The following RALYL variants were observed in gnomAD, a reference collection of about 807,000 sequenced individuals.
The protein encoded by RALYL is RALY RNA binding protein like.
RALYL carries 29 observed loss-of-function variants against 35.1 expected under a neutral mutation model. The observed-to-expected ratio is 0.83, with a 90% confidence interval of 0.61 to 1.13. The LOEUF is 1.13. RALYL is among the 50% of genes most tolerant of loss of function. RALYL has a pLI of 0.00. For synonymous variants in RALYL, 120 were observed against 127.6 expected, an observed-to-expected ratio of 0.94 and a Z score of 0.40; for missense variants, 359 against 360.4, an observed-to-expected ratio of 1.00 and a Z score of 0.03.
At position 84,529,272 on chromosome 8, in the gene RALYL, TTTTGTTTG is replaced by T. The variant is rs747694999; in HGVS notation, c.-23-11_-23-4del. 9 of 1,544,398 alleles carry T rather than the reference TTTTGTTTG, an allele frequency of 5.8e-6. No homozygotes were observed. The highest frequency in any genetic ancestry group is 1.2e-5 in the South Asian group (1 of 83,810). On this transcript the variant is annotated intron_variant, in intron 1 of 8. Coordinates refer to ENST00000521268, the MANE Select transcript of RALYL (RefSeq NM_173848.7). ...TAATGATTTACCTTTTGATTATTTG[TTTTGTTTG>T]TTTGTTTGTTTGTTTAAGGATTAAA...
intron 6 of RALYL, among the ~76,000 whole-genome samples, chr8:84,869,013 T>TTATATA (rs139498971): frequency 2.6e-5 from 4 of 151,086 alleles, no homozygotes; most frequent in African/African-American, 9.7e-5. Flanking sequence ...TATAGGATAT[T>TTATATA]TATATATATA....
At chr8:84,862,884 A>C (rs981811562) in intron 6 of RALYL, among the ~76,000 whole-genome samples, 1 of 152,210 alleles carries the variant, frequency 6.6e-6, no homozygotes, top group Non-Finnish European at 1.5e-5. Context: ...AACTATAGAG[A>C]TGTTAAAAGC....
chr8:84,488,388 A>G lies in RALYL; in HGVS notation c.-23-40911A>G, dbSNP rs76456965. 2.8e-3 allele frequency among the ~76,000 whole-genome samples: 423 copies of G among 152,164 alleles called. 5 individuals carry two copies. Among genetic ancestry groups the G allele is most frequent in the African/African-American group, 9.9e-3 (413 of 41,568 alleles). ...CTTTCTTAGTCTAAAGAACACACAG[A>G]TGGATAGTTAGAGAGCCCAGGAAGT... On this transcript the variant is annotated intron_variant, in intron 1 of 8. Coordinates refer to ENST00000521268, the MANE Select transcript of RALYL (RefSeq NM_173848.7).
Position 84,539,854 on chromosome 8 carries a change from GTATATA to G in RALYL, c.256+10295_256+10300del, listed in dbSNP as rs1294869865. Among the ~76,000 whole-genome samples, 49 of 24,206 alleles carry G rather than the reference GTATATA, an allele frequency of 2.0e-3. 1 individual carries two copies. Among genetic ancestry groups the G allele is most frequent in the African/African-American group, 3.2e-3 (32 of 10,050 alleles). The allele number at this position is 24,206 out of a possible 152,430, so 15.9% of individuals were successfully genotyped here. A position where few individuals can be genotyped will look rare whatever the true frequency, so the allele number is the denominator to read the frequency against. On this transcript the variant is annotated intron_variant, in intron 2 of 8. Transcript: ENST00000521268. ...TATACATATATATATATATATATAT[GTATATA>G]TATATATATATATATATGTATATAT...
At chr8:84,469,447 G>A (rs1399253518) in intron 1 of RALYL, among the ~76,000 whole-genome samples, 1 of 152,194 alleles carries the variant, frequency 6.6e-6, no homozygotes, top group East Asian at 1.9e-4. Context: ...CTCCCAGTTA[G>A]GCTGCTCGGG....
intron 3 of RALYL, among the ~76,000 whole-genome samples, chr8:84,781,665 A>C (rs746523129): frequency 6.6e-6 from 1 of 152,208 alleles, no homozygotes; most frequent in South Asian, 2.1e-4. Context: ...CAATTTTAAA[A>C]GGAGAAAAGT....
intron 2 of RALYL, among the ~76,000 whole-genome samples, chr8:84,712,816 CACTT>C (rs57021165): frequency 0.2 from 29,924 of 151,876 alleles, 3,196 homozygotes; most frequent in Non-Finnish European, 0.23. Flanking sequence ...AACAACAAGA[CACTT>C]AGGAAAATAA....
intron 1 of RALYL, among the ~76,000 whole-genome samples, chr8:84,363,224 C>T (rs1041147018): frequency 1.5e-4 from 23 of 152,116 alleles, no homozygotes; most frequent in Non-Finnish European, 2.6e-4. Flanking sequence ...AAACTGGAAG[C>T]CATGTCTGTG....
intron 1 of RALYL, among the ~76,000 whole-genome samples, chr8:84,522,160 A>C (rs1021909720): frequency 1.2e-4 from 19 of 152,104 alleles, no homozygotes; most frequent in Non-Finnish European, 1.9e-4. Flanking sequence ...GTTTACTGTG[A>C]AATTTATCAT....
intron 1 of RALYL, among the ~76,000 whole-genome samples, chr8:84,228,845 A>G (rs1457487429): frequency 2.0e-5 from 3 of 152,182 alleles, no homozygotes; most frequent in South Asian, 4.1e-4. Flanking sequence ...TTGTAAAACC[A>G]TCAGATCTCC....
At chr8:84,288,606 G>A (rs1219162084) in intron 1 of RALYL, among the ~76,000 whole-genome samples, 2 of 145,940 alleles carry the variant, frequency 1.4e-5, no homozygotes, top group Admixed American at 8.0e-5. Context: ...CTATTAAATT[G>A]TATTGCCCAG....
At chr8:84,738,925 A>C (rs1346495961) in intron 2 of RALYL, among the ~76,000 whole-genome samples, 1 of 152,052 alleles carries the variant, frequency 6.6e-6, no homozygotes. Context: ...TTAAATATGT[A>C]TTCCTAAACC....
intron 2 of RALYL, among the ~76,000 whole-genome samples, chr8:84,648,586 T>C (rs4562316): frequency 0.091 from 13,842 of 151,914 alleles, 1,595 homozygotes; most frequent in African/African-American, 0.27. Flanking sequence ...AATCTAAAAC[T>C]TTAGAGTATA....
At chr8:84,751,837 C>G (rs1810114654) in intron 2 of RALYL, among the ~76,000 whole-genome samples, 1 of 152,030 alleles carries the variant, frequency 6.6e-6, no homozygotes, top group Non-Finnish European at 1.5e-5. Flanking sequence ...GCCTGTGGAA[C>G]CATGAGCCAA....
intron 2 of RALYL, among the ~76,000 whole-genome samples, chr8:84,619,483 G>T (rs913111681): frequency 6.8e-6 from 1 of 147,272 alleles, no homozygotes; most frequent in Non-Finnish European, 1.5e-5. Context: ...GAGCCTATGT[G>T]TGTCTCTGCA....
intron 2 of RALYL, among the ~76,000 whole-genome samples, chr8:84,552,706 A>G (rs1421672940): frequency 1.3e-5 from 2 of 151,500 alleles, no homozygotes; most frequent in Admixed American, 6.6e-5. Context: ...TTGGTTTCCT[A>G]ATTAGACCCC....
intron 2 of RALYL, among the ~76,000 whole-genome samples, chr8:84,622,518 C>G (rs2131102634): frequency 6.6e-6 from 1 of 152,218 alleles, no homozygotes; most frequent in East Asian, 1.9e-4. Flanking sequence ...AAAACAGCAG[C>G]AACAAATGTG....
At chr8:84,185,071 C>G in intron 1 of RALYL, 1 of 1,577,046 alleles carries the variant, frequency 6.3e-7, no homozygotes, top group Admixed American at 1.7e-5. Flanking sequence ...CTTAGGGATG[C>G]TGTCTTTGGA....
chr8:84,378,220 T>C, intron 1 of RALYL, among the ~76,000 whole-genome samples: 1 of 151,982 alleles, frequency 6.6e-6, no homozygotes, highest in Non-Finnish European at 1.5e-5. Context: ...CATTTTAATG[T>C]GTGCCAATAA....
Sources: allele counts gnomAD v4.1 joint callset (sites outside exome capture counted in the v4.1 genomes callset), GRCh38; gene constraint gnomAD v4.1.1; transcripts MANE v1.5; gene names NCBI Gene and HGNC (gene_info 2026-07-23, HGNC 2026-07-21).